Variants in CMYA5 observed in about 807,000 individuals in gnomAD.
The protein encoded by CMYA5 is cardiomyopathy-associated protein 5.
CMYA5 carries 246 observed loss-of-function variants against 318.9 expected under a neutral mutation model. The ratio of observed to expected loss-of-function variants is 0.77; its 90% CI spans 0.70 to 0.86. The LOEUF is 0.86. CMYA5 is among the 40% of genes least tolerant of loss of function. The pLI is 0.00. For missense variants in CMYA5, 4,589 were observed against 4,678.2 expected, an observed-to-expected ratio of 0.98 and a Z score of 0.56; for synonymous variants, 1,641 against 1,729.5, an observed-to-expected ratio of 0.95 and a Z score of 1.27.
chr5:79,788,531 G>A (rs1829120301), intron 9 of CMYA5, among the ~76,000 whole-genome samples: 1 of 147,612 alleles, frequency 6.8e-6, no homozygotes, highest in South Asian at 2.1e-4. Context: ...TGCTTTAAAA[G>A]ATTTCATCTT....
At chr5:79,693,236 C>T (rs544858196) in intron 1 of CMYA5, among the ~76,000 whole-genome samples, 1 of 152,210 alleles carries the variant, frequency 6.6e-6, no homozygotes, top group Admixed American at 6.5e-5. Flanking sequence ...ATAAAACTCA[C>T]AGGATTTTAG....
At chr5:79,701,403 T>C (rs1367148633) in intron 1 of CMYA5, among the ~76,000 whole-genome samples, 1 of 152,202 alleles carries the variant, frequency 6.6e-6, no homozygotes, top group African/African-American at 2.4e-5. Context: ...TTTAAGGTAA[T>C]GGATATCCTA....
intron 1 of CMYA5, among the ~76,000 whole-genome samples, chr5:79,728,181 T>C (rs1259526241): frequency 6.6e-6 from 1 of 152,216 alleles, no homozygotes; most frequent in Admixed American, 6.5e-5. Context: ...CTCTTTATCA[T>C]GACTCAGAGT....
At position 79,734,800 on chromosome 5, in the gene CMYA5, C is replaced by T. The variant is rs201032060; in HGVS notation, c.6035C>T (p.Ser2012Phe). The T allele has an allele frequency of 2.6e-3, 4,202 of 1,613,742 alleles. 33 individuals carry two copies. The highest frequency in any genetic ancestry group is 0.015 in the South Asian group (1,399 of 91,072). ...ATAGCAGAGGGGAAGGAGATTCATT[C>T]TTTGATGGAGAGTGAAAGTTTGCTA... Reference protein sequence around the residue: ...RNIAEGKEIHSLMESESLLLE... With the variant: ...RNIAEGKEIHFLMESESLLLE... The change falls in exon 2 of 13, where the codon TCT becomes TTT. Residue 2012 changes from serine to phenylalanine, a missense_variant. Transcript: ENST00000446378.
chr5:79,766,292 G>T (rs954258033), intron 9 of CMYA5, among the ~76,000 whole-genome samples: 1 of 151,996 alleles, frequency 6.6e-6, no homozygotes, highest in African/African-American at 2.4e-5. Flanking sequence ...TAGTAGAGAC[G>T]GGGTTTCACC....
At chr5:79,712,367 C>T (rs1036671878) in intron 1 of CMYA5, among the ~76,000 whole-genome samples, 1 of 152,044 alleles carries the variant, frequency 6.6e-6, no homozygotes, top group African/African-American at 2.4e-5. Flanking sequence ...GTGTGCACCA[C>T]CATGCCCAGG....
At position 79,762,051 on chromosome 5, in the gene CMYA5, T is replaced by C. The variant is rs556022373; in HGVS notation, c.11407+94T>C. 12 of 1,377,424 alleles carry C rather than the reference T, an allele frequency of 8.7e-6. No individual in the cohort carries two copies. In the Admixed American group the frequency reaches 1.2e-4, roughly 14 times the overall value. The allele number at this position is 1,377,424 out of a possible 1,614,324, so 85.3% of individuals were successfully genotyped here. A position where few individuals can be genotyped will look rare whatever the true frequency, so the allele number is the denominator to read the frequency against. ...CCAGTAAGTGTTTATTAAGCACCTA[T>C]TGTGTGTTGAGTGTTGTGCAAAGTG... On this transcript the variant is annotated intron_variant, in intron 8 of 12. Transcript: ENST00000446378.
intron 1 of CMYA5, among the ~76,000 whole-genome samples, chr5:79,703,307 T>A (rs1292215207): frequency 6.6e-6 from 1 of 152,236 alleles, no homozygotes; most frequent in East Asian, 1.9e-4. Context: ...GATAAAACCA[T>A]ATGAGGTTGA....
chr5:79,725,995 G>A (rs558216106), intron 1 of CMYA5, among the ~76,000 whole-genome samples: 1 of 152,164 alleles, frequency 6.6e-6, no homozygotes, highest in African/African-American at 2.4e-5. Flanking sequence ...TTAGAAGAAG[G>A]TTCTAAGTGC....
Position 79,728,879 on chromosome 5 carries a change from A to T in CMYA5, c.150-36A>T, listed in dbSNP as rs978846014. On this transcript the variant is annotated intron_variant, in intron 1 of 12. Transcript: ENST00000446378. ...TTCTATTAATTAGTATTATTTTATT[A>T]TGATAATATATAATTAATATTGTTA... The T allele has an allele frequency of 3.2e-6, 3 of 948,658 alleles. No individual in the cohort carries two copies. The African/African-American group carries it at 5.4e-5, about 17-fold the overall frequency. The allele number at this position is 948,658 out of a possible 1,614,324, so 58.8% of individuals were successfully genotyped here.
chr5:79,787,697 G>A (rs975034477), intron 9 of CMYA5, among the ~76,000 whole-genome samples: 1 of 152,204 alleles, frequency 6.6e-6, no homozygotes, highest in Non-Finnish European at 1.5e-5. Context: ...AGTTACACAA[G>A]CAGGTCCAGG....
At chr5:79,799,004 A>G (rs531960595) in intron 12 of CMYA5, among the ~76,000 whole-genome samples, 9 of 152,378 alleles carry the variant, frequency 5.9e-5, no homozygotes, top group African/African-American at 2.2e-4. Flanking sequence ...TTAAAAATAC[A>G]TGGCAGCCTC....
At chr5:79,765,613 A>G (rs958359352) in intron 9 of CMYA5, among the ~76,000 whole-genome samples, 6 of 152,070 alleles carry the variant, frequency 3.9e-5, no homozygotes, top group African/African-American at 1.4e-4. Flanking sequence ...GGTTCTTTCT[A>G]TCCATGAGCA....
chr5:79,697,132 C>T (rs765955135), intron 1 of CMYA5, among the ~76,000 whole-genome samples: 6 of 152,138 alleles, frequency 3.9e-5, no homozygotes, highest in Non-Finnish European at 8.8e-5. Context: ...GTTATTAATC[C>T]TCAAAGTTTA....
intron 9 of CMYA5, 100 bp downstream of exon 9, chr5:79,763,309 C>T (rs1342030740): frequency 5.6e-6 from 6 of 1,079,458 alleles, no homozygotes; most frequent in Admixed American, 2.9e-5. Flanking sequence ...GGAGAAATGC[C>T]GTCTAAAATC....
intron 6 of CMYA5, among the ~76,000 whole-genome samples, chr5:79,757,429 T>C (rs541439857): frequency 1.3e-5 from 2 of 152,308 alleles, no homozygotes; most frequent in Non-Finnish European, 2.9e-5. Context: ...ACAACGGAGT[T>C]ATACTAGGTG....
chr5:79,778,819 G>GTGTGTGTGTGTGTGTA (rs1828995078), intron 9 of CMYA5, among the ~76,000 whole-genome samples: 2 of 115,078 alleles, frequency 1.7e-5, no homozygotes, highest in Non-Finnish European at 3.3e-5. Flanking sequence ...TTCTGTGTGT[G>GTGTGTGTGTGTGTGTA]TGTGTGTGTG....
At chr5:79,760,452 G>T (rs942873142) in intron 7 of CMYA5, among the ~76,000 whole-genome samples, 3 of 152,178 alleles carry the variant, frequency 2.0e-5, no homozygotes, top group African/African-American at 7.2e-5. Flanking sequence ...TGAAGAAGAG[G>T]TTTAACTGGC....
At chr5:79,698,599 T>C (rs1827117533) in intron 1 of CMYA5, among the ~76,000 whole-genome samples, 1 of 152,188 alleles carries the variant, frequency 6.6e-6, no homozygotes, top group Non-Finnish European at 1.5e-5. Flanking sequence ...AAATCCACTC[T>C]TCAGGTTTTG....
Sources: allele counts gnomAD v4.1 joint callset (sites outside exome capture counted in the v4.1 genomes callset), GRCh38; gene constraint gnomAD v4.1.1; transcripts MANE v1.5; gene names NCBI Gene and HGNC (gene_info 2026-07-23, HGNC 2026-07-21).